Variants in MCTP1 observed in about 807,000 individuals in gnomAD.
MCTP1 encodes multiple C2 and transmembrane domain-containing protein 1.
Under a neutral mutation model 120.6 loss-of-function variants are expected in MCTP1, and 69 were observed. The ratio of observed to expected loss-of-function variants is 0.57; its 90% CI spans 0.47 to 0.70. MCTP1 has a LOEUF of 0.70. MCTP1 is among the 30% of genes least tolerant of loss of function. The pLI is 0.00. For synonymous variants in MCTP1, 529 were observed against 493.1 expected (o/e 1.07, Z -0.96); for missense variants, 1,203 against 1,248.8 (o/e 0.96, Z 0.55).
chr5:95,109,635 C>T (rs550443298), intron 1 of MCTP1, among the ~76,000 whole-genome samples: 1 of 152,198 alleles, frequency 6.6e-6, no homozygotes, highest in South Asian at 2.1e-4. Context: ...TGAGGACTTG[C>T]TTGGTGTTAC....
chr5:95,212,382 A>T (rs1752489096), intron 1 of MCTP1, among the ~76,000 whole-genome samples: 1 of 152,052 alleles, frequency 6.6e-6, no homozygotes, highest in Non-Finnish European at 1.5e-5. Context: ...CAGCTTACCA[A>T]CCAAAAAGAG....
chr5:94,908,645 C>T (rs1322825003), intron 10 of MCTP1, among the ~76,000 whole-genome samples: 1 of 151,812 alleles, frequency 6.6e-6, no homozygotes, highest in East Asian at 1.9e-4. Context: ...TAAACATAGG[C>T]TTTAAATTAA....
At chr5:95,071,461 G>A (rs947375078) in intron 1 of MCTP1, among the ~76,000 whole-genome samples, 3 of 152,108 alleles carry the variant, frequency 2.0e-5, no homozygotes, top group Non-Finnish European at 2.9e-5. Flanking sequence ...TTCTCACAGA[G>A]GACTTCTCTG....
intron 17 of MCTP1, among the ~76,000 whole-genome samples, chr5:94,811,445 C>G (rs1333512928): frequency 6.6e-6 from 1 of 152,152 alleles, no homozygotes; most frequent in Non-Finnish European, 1.5e-5. Flanking sequence ...TTCAAACAGC[C>G]TGACTTTTAC....
chr5:94,954,444 C>G (rs1020220311), intron 2 of MCTP1, among the ~76,000 whole-genome samples: 2 of 151,866 alleles, frequency 1.3e-5, no homozygotes, highest in Non-Finnish European at 2.9e-5. Context: ...GAAATACCAT[C>G]TATTTGGTAC....
At chr5:94,822,922 T>C (rs777973588) in intron 17 of MCTP1, among the ~76,000 whole-genome samples, 1 of 152,196 alleles carries the variant, frequency 6.6e-6, no homozygotes, top group Non-Finnish European at 1.5e-5. Flanking sequence ...TAAATTTGTG[T>C]AGGCTTCTTA....
intron 1 of MCTP1, among the ~76,000 whole-genome samples, chr5:95,171,972 G>C (rs1448563076): frequency 1.3e-5 from 2 of 152,162 alleles, no homozygotes; most frequent in African/African-American, 2.4e-5. Flanking sequence ...TCCTTTAAAG[G>C]GGGAGAGGTG....
At chr5:94,971,049 T>C (rs775470369) in intron 2 of MCTP1, among the ~76,000 whole-genome samples, 2 of 152,272 alleles carry the variant, frequency 1.3e-5, no homozygotes, top group East Asian at 1.9e-4. Flanking sequence ...CCAGTACTCC[T>C]ATAGCCAAAG....
At chr5:94,955,369 G>A (rs1302816461) in intron 2 of MCTP1, among the ~76,000 whole-genome samples, 1 of 152,172 alleles carries the variant, frequency 6.6e-6, no homozygotes, top group Non-Finnish European at 1.5e-5. Flanking sequence ...CTAGCTGTAG[G>A]AGTCTTTTTT....
chr5:95,199,913 C>A (rs1750814567), intron 1 of MCTP1, among the ~76,000 whole-genome samples: 2 of 150,472 alleles, frequency 1.3e-5, no homozygotes, highest in Admixed American at 6.6e-5. Context: ...GTAACCCCAG[C>A]ACTCTGGGAG....
At chr5:95,231,233 T>C (rs1427837921) in intron 1 of MCTP1, among the ~76,000 whole-genome samples, 1 of 152,132 alleles carries the variant, frequency 6.6e-6, no homozygotes, top group South Asian at 2.1e-4. Context: ...CACACATTTA[T>C]GGTAATAAAG....
intron 1 of MCTP1, among the ~76,000 whole-genome samples, chr5:95,211,835 A>T (rs998412991): frequency 1.8e-4 from 28 of 152,080 alleles, no homozygotes; most frequent in Non-Finnish European, 5.9e-5. Context: ...GATGATGGTG[A>T]TGTACAGATG....
chr5:94,713,185 T>C (rs1757727410), intron 20 of MCTP1, among the ~76,000 whole-genome samples: 1 of 152,126 alleles, frequency 6.6e-6, no homozygotes, highest in Non-Finnish European at 1.5e-5. Context: ...GGGTAGATGC[T>C]TTTAATTCCA....
chr5:95,209,496 T>C (rs1198555769), intron 1 of MCTP1, among the ~76,000 whole-genome samples: 1 of 152,172 alleles, frequency 6.6e-6, no homozygotes, highest in Non-Finnish European at 1.5e-5. Context: ...AGAGAATCCC[T>C]ATAATCCACA....
chr5:94,744,554 A>C (rs1333600147), intron 19 of MCTP1, among the ~76,000 whole-genome samples: 2 of 151,870 alleles, frequency 1.3e-5, no homozygotes, highest in African/African-American at 4.8e-5. Context: ...CCCAGGCTGG[A>C]GTGCAGTGGT....
intron 14 of MCTP1, 122 bp from the exon 15 acceptor site, chr5:94,871,095 G>T: frequency 1.3e-6 from 1 of 799,224 alleles, no homozygotes; most frequent in South Asian, 1.6e-5. Flanking sequence ...TGGCAATTCT[G>T]ACAAGTACCT....
intron 17 of MCTP1, among the ~76,000 whole-genome samples, chr5:94,862,427 G>A (rs1260278600): frequency 6.6e-6 from 1 of 151,816 alleles, no homozygotes; most frequent in African/African-American, 2.4e-5. Flanking sequence ...CATTTAAAGA[G>A]AATGAAGCAC....
chr5:95,151,671 C>T (rs1192063002), intron 1 of MCTP1, among the ~76,000 whole-genome samples: 4 of 152,150 alleles, frequency 2.6e-5, no homozygotes, highest in African/African-American at 7.2e-5. Flanking sequence ...GCATTTCAAC[C>T]AATTTTTCCA....
intron 17 of MCTP1, chr5:94,867,029 T>C (rs929305765): frequency 6.0e-5 from 16 of 267,828 alleles, no homozygotes; most frequent in Admixed American, 2.6e-4. Context: ...ATCTGTTATA[T>C]GACCCCATAA....
Sources: allele counts gnomAD v4.1 joint callset (sites outside exome capture counted in the v4.1 genomes callset), GRCh38; gene constraint gnomAD v4.1.1; transcripts MANE v1.5; gene names NCBI Gene and HGNC (gene_info 2026-07-23, HGNC 2026-07-21).